CPEB1: variants seen among roughly 807,000 people sequenced by gnomAD.
CPEB1 encodes cytoplasmic polyadenylation element binding protein 1.
CPEB1 carries 7 observed loss-of-function variants against 65.8 expected under a neutral mutation model. The observed-to-expected ratio is 0.11, with a 90% CI of 0.06 to 0.20. The LOEUF is 0.20. Ranked by LOEUF, CPEB1 falls within the 10% of genes least tolerant of loss-of-function variation. CPEB1 has a pLI of 1.00. For synonymous variants in CPEB1, 262 were observed against 260.0 expected (o/e 1.01, Z -0.08); for missense variants, 551 against 712.2 (o/e 0.77, Z 2.58).
chr15:82,615,525 T>C (rs1306219778), intron 3 of CPEB1, among the ~76,000 whole-genome samples: 1 of 152,210 alleles, frequency 6.6e-6, no homozygotes, highest in Non-Finnish European at 1.5e-5. Flanking sequence ...GCAGACAGAA[T>C]GGCATAAAGG....
rs144574454 is a variant in CPEB1 at position 82,627,380 on chromosome 15, A to G, written c.97-13T>C. The G allele has an allele frequency of 0.024, 38,676 of 1,595,462 alleles. 525 individuals are homozygous for G. The highest frequency in any genetic ancestry group is 0.028 in the Non-Finnish European group (33,079 of 1,172,720). ...CTGCTTCTTCTTCCTAGACACAGAA[A>G]AAAAAAGATATTTAGGTTTTCTACA... On this transcript the variant is annotated splice_polypyrimidine_tract_variant and intron_variant, in intron 2 of 12. Transcript: ENST00000684509.
intron 3 of CPEB1, among the ~76,000 whole-genome samples, chr15:82,604,173 G>C (rs2043354963): frequency 6.6e-6 from 1 of 152,036 alleles, no homozygotes; most frequent in South Asian, 2.1e-4. Flanking sequence ...ACATAGCAAG[G>C]CTCCATTGCT....
chr15:82,595,584 T>C (rs1040766548), intron 3 of CPEB1, among the ~76,000 whole-genome samples: 6 of 152,130 alleles, frequency 3.9e-5, no homozygotes, highest in African/African-American at 1.4e-4. Flanking sequence ...AATCTATGAG[T>C]TCACAATGAT....
intron 3 of CPEB1, among the ~76,000 whole-genome samples, chr15:82,593,898 T>C (rs961636563): frequency 1.3e-5 from 2 of 152,240 alleles, no homozygotes; most frequent in African/African-American, 2.4e-5. Context: ...CCTTCTTGTC[T>C]GTACAGTAAG....
At chr15:82,596,244 A>C (rs1038679153) in intron 3 of CPEB1, among the ~76,000 whole-genome samples, 1 of 152,226 alleles carries the variant, frequency 6.6e-6, no homozygotes, top group South Asian at 2.1e-4. Context: ...ATGTGGTGAA[A>C]CTTGAACTGA....
At chr15:82,630,314 G>C (rs1010685423) in intron 1 of CPEB1, 1 of 155,690 alleles carries the variant, frequency 6.4e-6, no homozygotes, top group Non-Finnish European at 1.4e-5. Context: ...TCTCTATAGT[G>C]AGCACCCCAA....
At chr15:82,606,465 G>A (rs1180052802) in intron 3 of CPEB1, among the ~76,000 whole-genome samples, 4 of 137,882 alleles carry the variant, frequency 2.9e-5, no homozygotes, top group East Asian at 2.1e-4. Context: ...GGGATACTCC[G>A]TCTCAAAAAA....
upstream of CPEB1, chr15:82,647,507 C>T (rs2047675515): frequency 2.2e-5 from 5 of 231,906 alleles, no homozygotes; most frequent in South Asian, 8.9e-4. Context: ...GAGAAAGAAA[C>T]GTTCCGGGCG....
intron 3 of CPEB1, among the ~76,000 whole-genome samples, chr15:82,617,869 G>A (rs1008387847): frequency 4.7e-5 from 7 of 148,950 alleles, no homozygotes; most frequent in African/African-American, 1.7e-4. Context: ...AAGTAGCTGG[G>A]ACTACAGGCG....
At chr15:82,642,161 G>A (rs1454484005) in intron 1 of CPEB1, among the ~76,000 whole-genome samples, 2 of 152,206 alleles carry the variant, frequency 1.3e-5, no homozygotes, top group Admixed American at 1.3e-4. Context: ...CACAGAAGAT[G>A]AGACGCTCTA....
chr15:82,624,151 C>A (rs867682215), intron 3 of CPEB1, among the ~76,000 whole-genome samples: 7 of 152,232 alleles, frequency 4.6e-5, no homozygotes, highest in Admixed American at 3.3e-4. Context: ...AGAAAAAATG[C>A]TCTCTGCTGT....
At chr15:82,555,065 C>T (rs1401391960) in intron 6 of CPEB1, among the ~76,000 whole-genome samples, 1 of 152,224 alleles carries the variant, frequency 6.6e-6, no homozygotes, top group Non-Finnish European at 1.5e-5. Flanking sequence ...GAAACTAACA[C>T]TAACTTAGTC....
At chr15:82,548,739 A>G in intron 10 of CPEB1, 1 of 455,692 alleles carries the variant, frequency 2.2e-6, no homozygotes, top group South Asian at 1.6e-5. Flanking sequence ...GGGGCTTCTG[A>G]AGTCCCTGTT....
At chr15:82,564,300 T>A (rs2038755245) in intron 4 of CPEB1, among the ~76,000 whole-genome samples, 2 of 152,234 alleles carry the variant, frequency 1.3e-5, no homozygotes. Context: ...TTTTGTTTTT[T>A]TTTGAGACGG....
At position 82,554,007 on chromosome 15, in the gene CPEB1, A is replaced by G. The variant is rs1170522369; in HGVS notation, c.941-16T>C. 6.6e-7 allele frequency: 1 copy of G among 1,513,366 alleles called. No homozygotes were observed. Among genetic ancestry groups the G allele is most frequent in the Admixed American group, 1.9e-5 (1 of 53,864 alleles). The allele number at this position is 1,513,366 out of a possible 1,614,324, so 93.7% of individuals were successfully genotyped here. On this transcript the variant is annotated splice_polypyrimidine_tract_variant and intron_variant, in intron 6 of 12. Coordinates refer to ENST00000684509, the MANE Select transcript of CPEB1 (RefSeq NM_001365242.1). Reference sequence around the variant, plus strand: ...TCATTCACAGCTTTGGTAGATGGCAAAGAGATAAACAGGGGAGGTTAGAGA... The same window carrying G: ...TCATTCACAGCTTTGGTAGATGGCAGAGAGATAAACAGGGGAGGTTAGAGA...
intron 4 of CPEB1, among the ~76,000 whole-genome samples, chr15:82,566,056 A>G (rs1045582588): frequency 6.6e-6 from 1 of 151,964 alleles, no homozygotes; most frequent in African/African-American, 2.4e-5. Flanking sequence ...CTCTACTTTC[A>G]CCCTTCTATG....
In CPEB1 at chr15:82,619,954, T is replaced by G. The variant is rs540632013; in HGVS notation, c.271+7239A>C. ...GGGAAATTAATTCACCAAAAGATAA[T>G]AGCAGCACTATTCGCAATGGCCCCA... On this transcript the variant is annotated intron_variant, in intron 3 of 12. Coordinates refer to ENST00000684509, the MANE Select transcript of CPEB1 (RefSeq NM_001365242.1). Among the ~76,000 whole-genome samples the G allele has an allele frequency of 4.6e-5, 7 of 152,070 alleles. No individual in the cohort carries two copies. In the East Asian group the frequency reaches 1.4e-3, roughly 29 times the overall value.
intron 1 of CPEB1, among the ~76,000 whole-genome samples, chr15:82,636,564 T>C (rs1277821072): frequency 6.6e-6 from 1 of 152,236 alleles, no homozygotes; most frequent in Non-Finnish European, 1.5e-5. Flanking sequence ...CATTAGAGAA[T>C]ATTTCATACC....
chr15:82,578,150 A>AT (rs199589083), intron 3 of CPEB1, among the ~76,000 whole-genome samples: 3,366 of 152,196 alleles, frequency 0.022, 107 homozygotes, highest in African/African-American at 0.077. Flanking sequence ...AAAAAAAAAT[A>AT]AAAAATAAAA....
Sources: gnomAD v4.1 joint callset for allele counts (sites outside exome capture counted in the v4.1 genomes callset) on GRCh38, gnomAD v4.1.1 for gene constraint, MANE v1.5 for transcripts, NCBI Gene and HGNC (gene_info 2026-07-23, HGNC 2026-07-21) for gene names.